TNNI3K: variants seen among roughly 807,000 people sequenced by gnomAD.
The protein encoded by TNNI3K is TNNI3 interacting kinase.
TNNI3K carries 140 observed loss-of-function variants against 114.5 expected under a neutral mutation model. The ratio of observed to expected loss-of-function variants is 1.22; its 90% CI spans 1.07 to 1.41. The LOEUF (loss-of-function observed/expected upper bound fraction) is 1.41. Ranked by LOEUF, TNNI3K falls within the 40% of genes most tolerant of loss-of-function variation. The pLI, the probability that TNNI3K is intolerant of heterozygous loss-of-function variation, is 0.00. For missense variants in TNNI3K, 1,125 were observed against 1,007.6 expected, an observed-to-expected ratio of 1.12 and a Z score of -1.58; for synonymous variants, 347 against 347.5, an observed-to-expected ratio of 1.00 and a Z score of 0.02.
intron 5 of TNNI3K, among the ~76,000 whole-genome samples, chr1:74,294,590 C>T (rs1319451789): frequency 6.6e-6 from 1 of 151,952 alleles, no homozygotes; most frequent in Non-Finnish European, 1.5e-5. Context: ...TGAAGGAAAA[C>T]TTAAATGTTT....
At chr1:74,405,442 G>A (rs1450971370) in intron 17 of TNNI3K, among the ~76,000 whole-genome samples, 1 of 152,142 alleles carries the variant, frequency 6.6e-6, no homozygotes, top group Non-Finnish European at 1.5e-5. Flanking sequence ...TTGAAAAGTG[G>A]TAAATAAACT....
intron 11 of TNNI3K, among the ~76,000 whole-genome samples, chr1:74,357,239 C>G (rs972781172): frequency 6.6e-6 from 1 of 152,162 alleles, no homozygotes; most frequent in Non-Finnish European, 1.5e-5. Context: ...ATGGCCCCAT[C>G]ATGGTTTACC....
intron 23 of TNNI3K, among the ~76,000 whole-genome samples, chr1:74,509,092 T>C (rs1337613713): frequency 2.6e-5 from 4 of 152,328 alleles, no homozygotes; most frequent in African/African-American, 9.6e-5. Flanking sequence ...TTTCTTCTTC[T>C]TTTTATCACT....
At chr1:74,427,721 C>T (rs1331028474) in intron 17 of TNNI3K, among the ~76,000 whole-genome samples, 2 of 152,020 alleles carry the variant, frequency 1.3e-5, no homozygotes, top group Non-Finnish European at 1.5e-5. Flanking sequence ...AGTTTGCATA[C>T]CTAAGATTCT....
chr1:74,235,972 A>G, intron 1 of TNNI3K, 130 bp from the exon 2 acceptor site: 3 of 566,690 alleles, frequency 5.3e-6, no homozygotes, highest in Non-Finnish European at 5.9e-6. Flanking sequence ...TAAACACACA[A>G]TCAGTAATTT....
chr1:74,432,330 A>G (rs139415388), intron 17 of TNNI3K, among the ~76,000 whole-genome samples: 1 of 152,144 alleles, frequency 6.6e-6, no homozygotes, highest in African/African-American at 2.4e-5. Flanking sequence ...AATATCATAT[A>G]TAACAGAAGA....
intron 17 of TNNI3K, among the ~76,000 whole-genome samples, chr1:74,389,948 T>C (rs1452952488): frequency 6.6e-6 from 1 of 152,074 alleles, no homozygotes; most frequent in African/African-American, 2.4e-5. Flanking sequence ...GGGACAATTT[T>C]AGATAGTACA....
rs566085540 is a variant in TNNI3K, at chr1:74,416,111, C to G, written c.1773-19969C>G. Among the ~76,000 whole-genome samples, 373 of 152,154 alleles carry G rather than the reference C, an allele frequency of 2.5e-3. 1 individual carries two copies. The highest frequency in any genetic ancestry group is 4.0e-3 in the Non-Finnish European group (269 of 68,008). On this transcript the variant is annotated intron_variant, in intron 17 of 24. Transcript: ENST00000326637. ...TGCTGTACGTGGGAGTCACATTTAC[C>G]CTTTTCACCAGAGTATCTCTGGTTC...
intron 5 of TNNI3K, among the ~76,000 whole-genome samples, chr1:74,330,860 G>A (rs2100410955): frequency 6.6e-6 from 1 of 152,280 alleles, no homozygotes; most frequent in South Asian, 2.1e-4. Context: ...ACATGCTAGA[G>A]TAAGAGTATA....
At chr1:74,444,559 C>T (rs1666541206) in intron 20 of TNNI3K, among the ~76,000 whole-genome samples, 1 of 152,088 alleles carries the variant, frequency 6.6e-6, no homozygotes, top group African/African-American at 2.4e-5. Context: ...AAAAACATTC[C>T]ATACTCATGG....
intron 21 of TNNI3K, among the ~76,000 whole-genome samples, chr1:74,467,863 A>G (rs1279632372): frequency 1.3e-5 from 2 of 152,130 alleles, no homozygotes; most frequent in African/African-American, 4.8e-5. Flanking sequence ...AAACTCCACA[A>G]TTTAACAAGC....
chr1:74,416,375 A>G (rs764053581), intron 17 of TNNI3K: 219 of 982,576 alleles, frequency 2.2e-4, no homozygotes, highest in Non-Finnish European at 2.6e-4. Flanking sequence ...GAGCTGAAGA[A>G]GGAGCTGTGG....
At chr1:74,541,639 A>G (rs1646727935) in intron 24 of TNNI3K, 1 of 152,184 alleles carries the variant, frequency 6.6e-6, no homozygotes, top group African/African-American at 2.4e-5. Flanking sequence ...GCATTTCTTT[A>G]ACTTAATTTG....
At chr1:74,317,991 ACTCTC>A (rs1659411162) in intron 5 of TNNI3K, among the ~76,000 whole-genome samples, 2 of 151,842 alleles carry the variant, frequency 1.3e-5, no homozygotes, top group South Asian at 4.2e-4. Flanking sequence ...CTTTCTCCAG[ACTCTC>A]AACTATGTCT....
rs1400783917 is a variant in TNNI3K, at chr1:74,436,509, A to T, written c.1861A>T (p.Met621Leu). ...TCTACAGTCTCTGGATGAAGACAACATGACAAAACAACCTGGGGTTTGCTG... is the reference window on the plus strand; with the variant it reads ...TCTACAGTCTCTGGATGAAGACAACTTGACAAAACAACCTGGGGTTTGCTG... ...RFLQSLDEDN[M>L]TKQPGNLRWM... is the part of the protein sequence containing the mutation. Residue 621 changes from methionine to leucine, a missense_variant, in exon 19 of 25, where the codon ATG becomes TTG. Coordinates refer to ENST00000326637, the MANE Select transcript of TNNI3K (RefSeq NM_015978.3). 1 of 1,587,524 alleles carries T rather than the reference A, an allele frequency of 6.3e-7. No homozygotes were observed. The highest frequency in any genetic ancestry group is 2.3e-5 in the East Asian group (1 of 44,320).
chr1:74,364,049 G>GAAA, intron 11 of TNNI3K, among the ~76,000 whole-genome samples: 4 of 149,864 alleles, frequency 2.7e-5, no homozygotes, highest in African/African-American at 7.3e-5. Flanking sequence ...GCCCAGGCTG[G>GAAA]AGTGCAATGG....
chr1:74,353,191 G>A (rs1661468326), intron 9 of TNNI3K, 75 bp from the exon 10 acceptor site: 2 of 1,475,652 alleles, frequency 1.4e-6, no homozygotes, highest in East Asian at 4.6e-5. Flanking sequence ...ATTTTTCGAG[G>A]TGTAGGGGAG....
intron 12 of TNNI3K, 50 bp from the exon 13 acceptor site, chr1:74,367,858 A>G: frequency 6.6e-7 from 1 of 1,511,444 alleles, no homozygotes; most frequent in Non-Finnish European, 8.9e-7. Context: ...ACTTTTATGT[A>G]GAAAAAAATG....
chr1:74,539,327 TAA>T (rs1646698460), intron 23 of TNNI3K, among the ~76,000 whole-genome samples: 1 of 152,136 alleles, frequency 6.6e-6, no homozygotes, highest in Non-Finnish European at 1.5e-5. Context: ...CTGGGAGAAT[TAA>T]GAGTTCTTCT....
Sources: allele counts gnomAD v4.1 joint callset (sites outside exome capture counted in the v4.1 genomes callset), GRCh38; gene constraint gnomAD v4.1.1; transcripts MANE v1.5; gene names NCBI Gene and HGNC (gene_info 2026-07-23, HGNC 2026-07-21).